Variants in TTC1 observed in about 807,000 individuals in gnomAD.
TTC1 encodes tetratricopeptide repeat domain 1.
TTC1 carries 31 observed loss-of-function variants against 37.6 expected under a neutral mutation model. That is an observed-to-expected ratio of 0.82 (90% CI 0.62 to 1.11). The LOEUF (loss-of-function observed/expected upper bound fraction) is 1.11, where lower values mean the gene tolerates loss of function less well. Among genes scored for constraint, TTC1 ranks in the 50% most tolerant of loss-of-function variants. The pLI is 0.00. For missense variants in TTC1, 351 were observed against 339.0 expected, an observed-to-expected ratio of 1.04 and a Z score of -0.28; for synonymous variants, 127 against 122.4, an observed-to-expected ratio of 1.04 and a Z score of -0.25.
At chr5:160,012,302 A>G (rs774135309) in intron 2 of TTC1, among the ~76,000 whole-genome samples, 1 of 152,028 alleles carries the variant, frequency 6.6e-6, no homozygotes, top group Non-Finnish European at 1.5e-5. Flanking sequence ...CCTCTAATTT[A>G]GTAAAACTTT....
At chr5:160,030,157 G>A (rs918190154) in intron 2 of TTC1, among the ~76,000 whole-genome samples, 3 of 152,180 alleles carry the variant, frequency 2.0e-5, no homozygotes, top group Non-Finnish European at 2.9e-5. Flanking sequence ...CTGAAAGGTG[G>A]CCCCAGGGAG....
chr5:160,022,601 G>A (rs758033580), intron 2 of TTC1, among the ~76,000 whole-genome samples: 1 of 152,116 alleles, frequency 6.6e-6, no homozygotes, highest in Non-Finnish European at 1.5e-5. Context: ...AGGTAATTAA[G>A]CAGATAGGGG....
intron 2 of TTC1, among the ~76,000 whole-genome samples, chr5:160,016,244 G>A (rs187725312): frequency 6.6e-5 from 10 of 152,194 alleles, no homozygotes; most frequent in East Asian, 3.9e-4. Context: ...CAGGTATGGC[G>A]GTGCACACCT....
intron 5 of TTC1, among the ~76,000 whole-genome samples, chr5:160,049,109 T>G (rs1757335376): frequency 6.6e-6 from 1 of 152,202 alleles, no homozygotes. Flanking sequence ...CTGCCACCTG[T>G]TTTTGATAGC....
intron 4 of TTC1, among the ~76,000 whole-genome samples, chr5:160,041,583 G>A (rs1362721996): frequency 6.6e-6 from 1 of 152,052 alleles, no homozygotes; most frequent in Non-Finnish European, 1.5e-5. Context: ...AAAGTGCTGA[G>A]ATTACAGGCA....
intron 4 of TTC1, 67 bp from the exon 5 acceptor site, chr5:160,043,066 T>G: frequency 6.6e-7 from 1 of 1,514,322 alleles, no homozygotes; most frequent in Non-Finnish European, 9.1e-7. Flanking sequence ...TCAGATCATG[T>G]CATTAAGCCT....
Position 160,065,219 on chromosome 5 carries a change from T to C in TTC1, c.*154T>C, listed in dbSNP as rs988540316. The C allele has an allele frequency of 7.7e-6, 8 of 1,043,544 alleles. No homozygotes were observed. The South Asian group carries it at 9.7e-5, about 13-fold the overall frequency. The allele number at this position is 1,043,544 out of a possible 1,614,324, so 64.6% of individuals were successfully genotyped here. ...CCAGTGCTCCCTTGTCCCTCTTTTA[T>C]GATCAGGGTGAAATGTACTTCCTGA... is the stretch of plus-strand genomic sequence containing the variant. On this transcript the variant is annotated 3_prime_UTR_variant, in exon 8 of 8. Coordinates refer to ENST00000231238, the MANE Select transcript of TTC1 (RefSeq NM_003314.3).
chr5:160,036,821 T>C lies in TTC1; in HGVS notation c.504+18T>C. ...TGAAACAGGTATGTATCTGTGACCT[T>C]TTCTTTTTAAAAAGCACATGGACTT... On this transcript the variant is annotated intron_variant, in intron 4 of 7. Coordinates refer to ENST00000231238, the MANE Select transcript of TTC1 (RefSeq NM_003314.3). 6.4e-7 allele frequency: 1 copy of C among 1,571,978 alleles called. No homozygotes were observed. Among genetic ancestry groups the C allele is most frequent in the East Asian group, 2.2e-5 (1 of 44,634 alleles).
intron 2 of TTC1, among the ~76,000 whole-genome samples, chr5:160,026,629 G>C (rs531608045): frequency 1.3e-5 from 2 of 152,248 alleles, no homozygotes; most frequent in South Asian, 4.1e-4. Flanking sequence ...GCTACTTAAG[G>C]TTGCTGTTTA....
intron 2 of TTC1, chr5:160,023,784 A>C: frequency 6.2e-7 from 1 of 1,613,114 alleles, no homozygotes. Flanking sequence ...CTGTCTTTTG[A>C]TGTGTGCCTT....
At chr5:160,050,245 C>T (rs1432540098) in intron 6 of TTC1, among the ~76,000 whole-genome samples, 5 of 152,106 alleles carry the variant, frequency 3.3e-5, no homozygotes, top group African/African-American at 9.7e-5. Context: ...GTCGGGAGTT[C>T]GAGACCAGCC....
intron 7 of TTC1, among the ~76,000 whole-genome samples, chr5:160,055,792 C>T (rs1454932356): frequency 6.6e-6 from 1 of 152,220 alleles, no homozygotes; most frequent in East Asian, 1.9e-4. Context: ...AGAGACACCT[C>T]CTGAGCAAAA....
chr5:160,025,840 C>T (rs1354935979), intron 2 of TTC1, among the ~76,000 whole-genome samples: 1 of 152,182 alleles, frequency 6.6e-6, no homozygotes, highest in Non-Finnish European at 1.5e-5. Flanking sequence ...AAGCGATTCT[C>T]CCACCTCAGT....
chr5:160,039,650 G>GAATCACAAA (rs1227629485), intron 4 of TTC1, among the ~76,000 whole-genome samples: 54 of 152,140 alleles, frequency 3.5e-4, no homozygotes, highest in Admixed American at 2.0e-3. Context: ...ATCACTTCTA[G>GAATCACAAA]GCACACAAAG....
intron 7 of TTC1, among the ~76,000 whole-genome samples, chr5:160,052,112 C>T (rs1757415892): frequency 6.6e-6 from 1 of 152,208 alleles, no homozygotes; most frequent in African/African-American, 2.4e-5. Flanking sequence ...TAGACTCAGA[C>T]TGTAAAGACG....
At chr5:160,027,996 A>G (rs1487791392) in intron 2 of TTC1, among the ~76,000 whole-genome samples, 1 of 152,188 alleles carries the variant, frequency 6.6e-6, no homozygotes, top group Non-Finnish European at 1.5e-5. Flanking sequence ...TTTTTCATCA[A>G]AATTTTAAAG....
chr5:160,036,719 T>A lies in TTC1; in HGVS notation c.420T>A (p.Ser140Arg). Reference sequence around the variant, plus strand: ...ATATAGAAGCTGAAAGTTCTTATAGTCGAGCCCTCGAAATGTGCCCATCCT... The same window carrying A: ...ATATAGAAGCTGAAAGTTCTTATAGACGAGCCCTCGAAATGTGCCCATCCT... ...GDYIEAESSY[S>R]RALEMCPSCF... Residue 140 changes from serine (S) to arginine (R), a missense_variant, in exon 4 of 8, where the codon AGT (serine) becomes AGA (arginine). Transcript: ENST00000231238. The A allele has an allele frequency of 6.2e-7, 1 of 1,613,888 alleles. No individual in the cohort carries two copies. The highest frequency in any genetic ancestry group is 8.5e-7 in the Non-Finnish European group (1 of 1,179,834).
chr5:160,028,491 A>G (rs1343093142), intron 2 of TTC1, among the ~76,000 whole-genome samples: 2 of 151,252 alleles, frequency 1.3e-5, no homozygotes, highest in Non-Finnish European at 2.9e-5. Context: ...TATTCTTTTT[A>G]TTTTTATTTT....
chr5:160,020,384 G>A (rs1244445114), intron 2 of TTC1, among the ~76,000 whole-genome samples: 1 of 152,092 alleles, frequency 6.6e-6, no homozygotes, highest in Non-Finnish European at 1.5e-5. Context: ...CAAAGTGCTG[G>A]GATTACAGGA....
Sources: allele counts gnomAD v4.1 joint callset (sites outside exome capture counted in the v4.1 genomes callset), GRCh38; gene constraint gnomAD v4.1.1; transcripts MANE v1.5; gene names NCBI Gene and HGNC (gene_info 2026-07-23, HGNC 2026-07-21).